Variants in NDRG3 observed in about 807,000 individuals in gnomAD.
The protein encoded by NDRG3 is protein NDRG3.
Under a neutral mutation model 57.2 loss-of-function variants are expected in NDRG3, and 23 were observed. The observed-to-expected ratio is 0.40, with a 90% CI of 0.29 to 0.57. NDRG3 has a LOEUF of 0.57. Among genes scored for constraint, NDRG3 ranks in the 20% least tolerant of loss-of-function variants. The pLI, the probability that NDRG3 is intolerant of heterozygous loss-of-function variation, is 0.42. For synonymous variants in NDRG3, 132 were observed against 162.6 expected (o/e 0.81, Z 1.43); for missense variants, 384 against 457.3 (o/e 0.84, Z 1.46).
chr20:36,664,800 C>G (rs928072660), intron 12 of NDRG3, among the ~76,000 whole-genome samples: 1 of 152,052 alleles, frequency 6.6e-6, no homozygotes, highest in African/African-American at 2.4e-5. Flanking sequence ...AGCAATCCTC[C>G]TACCTCAGCC....
At chr20:36,683,149 C>A (rs532930841) in intron 6 of NDRG3, among the ~76,000 whole-genome samples, 1 of 151,980 alleles carries the variant, frequency 6.6e-6, no homozygotes, top group African/African-American at 2.4e-5. Context: ...GAGGCTGAGG[C>A]AGGAGAATGG....
chr20:36,663,290 A>T (rs1979358310), intron 12 of NDRG3, among the ~76,000 whole-genome samples: 1 of 152,200 alleles, frequency 6.6e-6, no homozygotes, highest in African/African-American at 2.4e-5. Flanking sequence ...ACATCTGCAT[A>T]TTCTCACCCT....
At chr20:36,730,106 G>A (rs1985184391) in intron 1 of NDRG3, among the ~76,000 whole-genome samples, 1 of 151,576 alleles carries the variant, frequency 6.6e-6, no homozygotes, top group South Asian at 2.1e-4. Flanking sequence ...AATTAGCCGG[G>A]CATGATAGCA....
intron 3 of NDRG3, among the ~76,000 whole-genome samples, chr20:36,704,504 A>G (rs1291930982): frequency 6.6e-6 from 1 of 151,990 alleles, no homozygotes; most frequent in Non-Finnish European, 1.5e-5. Context: ...TTTTACTGTC[A>G]CCCTCTCTCT....
chr20:36,734,168 T>C (rs1985489100), intron 1 of NDRG3, among the ~76,000 whole-genome samples: 1 of 151,446 alleles, frequency 6.6e-6, no homozygotes, highest in Non-Finnish European at 1.5e-5. Flanking sequence ...GATCGTGCCA[T>C]TGCACTCCAG....
At chr20:36,665,160 A>G (rs916518562) in intron 11 of NDRG3, 63 bp from the exon 12 acceptor site, 1 of 1,608,806 alleles carries the variant, frequency 6.2e-7, no homozygotes, top group Non-Finnish European at 8.5e-7. Context: ...CTGAACACCA[A>G]ATTAGTCTAT....
At chr20:36,657,875 G>C (rs1978816629) in intron 13 of NDRG3, among the ~76,000 whole-genome samples, 1 of 152,178 alleles carries the variant, frequency 6.6e-6, no homozygotes, top group African/African-American at 2.4e-5. Flanking sequence ...TTTAGGAGCT[G>C]AAACCTGATT....
chr20:36,662,002 C>T (rs925790491), intron 12 of NDRG3, among the ~76,000 whole-genome samples: 4 of 152,116 alleles, frequency 2.6e-5, no homozygotes, highest in Admixed American at 6.6e-5. Flanking sequence ...CTACAGAATG[C>T]GCATTAACTC....
chr20:36,662,406 C>G (rs1215829838), intron 12 of NDRG3, among the ~76,000 whole-genome samples: 1 of 151,990 alleles, frequency 6.6e-6, no homozygotes, highest in Admixed American at 6.6e-5. Flanking sequence ...TTAGTAGAGA[C>G]AGGGTTTCGC....
chr20:36,741,243 C>T (rs1985915306), intron 1 of NDRG3, among the ~76,000 whole-genome samples: 1 of 152,106 alleles, frequency 6.6e-6, no homozygotes, highest in Admixed American at 6.6e-5. Context: ...AAGCACAGAG[C>T]TAGACCCTGG....
Position 36,665,299 on chromosome 20 carries a change from C to G in NDRG3, c.695G>C (p.Arg232Pro). The change falls in exon 11 of 16, where the codon CGC becomes CCC. Residue 232 changes from arginine to proline, a missense_variant and splice_region_variant. By Grantham distance (103) the Arg-to-Pro change is moderately radical. Coordinates refer to ENST00000349004, the MANE Select transcript of NDRG3 (RefSeq NM_032013.4). ...LQLFLNSYNG[R>P]RDLEIERPIL... ...GGGTCTTTCGATCTCCAGGTCTCTG[C>G]GTCTAGAAAAACAAAGCAGAAGCAA... is the stretch of plus-strand genomic sequence containing the variant. 1 of 1,614,020 alleles carries G rather than the reference C, an allele frequency of 6.2e-7. No homozygotes were observed.
rs1411105932 is a variant in NDRG3 at position 36,653,558 on chromosome 20, C to T, written c.1090G>A (p.Val364Ile). 1.9e-6 allele frequency: 3 copies of T among 1,614,184 alleles called. No homozygotes were observed. Among genetic ancestry groups the T allele is most frequent in the South Asian group, 1.1e-5 (1 of 91,078 alleles). The change falls in exon 16 of 16, where the codon GTC becomes ATC. Residue 364 changes from valine to isoleucine, a missense_variant. By Grantham distance (29) the Val-to-Ile change is conservative (BLOSUM62 3). Coordinates refer to ENST00000349004, the MANE Select transcript of NDRG3 (RefSeq NM_032013.4). This position sits in a 1 kb window ranked among gnomAD's most constrained non-coding sequence, Gnocchi z 4.2. Reference protein sequence around the residue: ...GTQESCESPDVLDRHQTMEVS... With the variant: ...GTQESCESPDILDRHQTMEVS... ...TCCATGGTCTGGTGTCTGTCCAGGA[C>T]ATCAGGGGACTCACAGGATTCTTGA...
chr20:36,654,823 G>A (rs1434593771), intron 15 of NDRG3: 5 of 779,804 alleles, frequency 6.4e-6, no homozygotes, highest in Non-Finnish European at 1.2e-5. Context: ...TCAGGTGACT[G>A]AGCTGCACAT....
At chr20:36,706,912 G>A (rs540304231) in intron 3 of NDRG3, 60 bp downstream of exon 3, 162 of 1,450,834 alleles carry the variant, frequency 1.1e-4, no homozygotes, top group Non-Finnish European at 1.5e-4. Flanking sequence ...CACCACCACA[G>A]GAAAGGAAAC....
chr20:36,714,628 T>G (rs1033103857), intron 2 of NDRG3, among the ~76,000 whole-genome samples: 2 of 150,514 alleles, frequency 1.3e-5, no homozygotes, highest in Admixed American at 6.6e-5. Context: ...TTGTTTGTTT[T>G]TTTGAGACGG....
intron 9 of NDRG3, among the ~76,000 whole-genome samples, chr20:36,668,330 A>G (rs540589892): frequency 1.3e-5 from 2 of 152,334 alleles, no homozygotes; most frequent in African/African-American, 4.8e-5. Context: ...TTTCCCTTGT[A>G]AAGTATGGTA....
chr20:36,656,848 G>A (rs970565171), intron 13 of NDRG3, among the ~76,000 whole-genome samples: 1 of 152,144 alleles, frequency 6.6e-6, no homozygotes, highest in Non-Finnish European at 1.5e-5. Flanking sequence ...TCCTTTCAGA[G>A]CCCTCGAACA....
At chr20:36,725,253 C>T (rs375829622) in intron 1 of NDRG3, among the ~76,000 whole-genome samples, 21 of 151,216 alleles carry the variant, frequency 1.4e-4, no homozygotes, top group African/African-American at 3.6e-4. Flanking sequence ...GCTGAGATTG[C>T]GCCACCGCAC....
In NDRG3 at chr20:36,688,691, T is replaced by C. The variant is rs1304378222; in HGVS notation, c.187A>G (p.Ile63Val). The change falls in exon 4 of 16, where the codon ATT becomes GTT. Residue 63 changes from isoleucine to valine, a missense_variant. Transcript: ENST00000349004. ...ATAAAATACATACGGTTGAGGCCAA[T>C]GTCATGATATGTTAGTATAACTGGT... Reference protein sequence around the residue: ...NRPVILTYHDIGLNHKSCFNA... With the variant: ...NRPVILTYHDVGLNHKSCFNA... 1.2e-6 allele frequency: 2 copies of C among 1,611,418 alleles called. No homozygotes were observed. Among genetic ancestry groups the C allele is most frequent in the South Asian group, 1.1e-5 (1 of 91,012 alleles).
Sources: gnomAD v4.1 joint callset for allele counts (sites outside exome capture counted in the v4.1 genomes callset) on GRCh38, gnomAD v4.1.1 for gene constraint, Gnocchi (gnomAD v3.1) non-coding constraint, MANE v1.5 for transcripts, NCBI Gene and HGNC (gene_info 2026-07-23, HGNC 2026-07-21) for gene names.